Variants in CEMIP observed in about 807,000 individuals in gnomAD.
CEMIP encodes cell migration-inducing and hyaluronan-binding protein.
In CEMIP, 105 loss-of-function variants were observed where a neutral mutation model predicts 156.9. That is an observed-to-expected ratio of 0.67 (90% CI 0.57 to 0.79). The LOEUF is 0.79. CEMIP is among the 30% of genes least tolerant of loss of function. The pLI, the probability that CEMIP is intolerant of heterozygous loss-of-function variation, is 0.00. For missense variants in CEMIP, 1,457 were observed against 1,769.4 expected, an observed-to-expected ratio of 0.82 and a Z score of 3.17; for synonymous variants, 676 against 668.4, an observed-to-expected ratio of 1.01 and a Z score of -0.17.
At chr15:80,860,402 G>GT (rs1258910471) in intron 1 of CEMIP, among the ~76,000 whole-genome samples, 2 of 152,218 alleles carry the variant, frequency 1.3e-5, no homozygotes, top group African/African-American at 4.8e-5. Flanking sequence ...AAGGACAGTT[G>GT]TAAGTCGGGC....
intron 6 of CEMIP, among the ~76,000 whole-genome samples, chr15:80,881,928 G>A (rs960400650): frequency 4.6e-5 from 7 of 152,182 alleles, no homozygotes; most frequent in Admixed American, 6.5e-5. Context: ...AAGGCAGCAT[G>A]GGCAGGTGTA....
At chr15:80,817,125 C>A (rs1055987162) in intron 1 of CEMIP, among the ~76,000 whole-genome samples, 2 of 152,052 alleles carry the variant, frequency 1.3e-5, no homozygotes, top group African/African-American at 4.8e-5. Context: ...AATGACGATA[C>A]CTTGGCTGAT....
chr15:80,884,115 G>A, intron 6 of CEMIP, 60 bp from the exon 7 acceptor site: 1 of 1,542,056 alleles, frequency 6.5e-7, no homozygotes, highest in South Asian at 1.1e-5. Flanking sequence ...CATGTGCTTA[G>A]AGCTCTTTGT....
At chr15:80,891,455 T>C (rs114362353) in intron 10 of CEMIP, among the ~76,000 whole-genome samples, 2,760 of 152,308 alleles carry the variant, frequency 0.018, 80 homozygotes, top group African/African-American at 0.063. Context: ...AGTTTTCTTC[T>C]AACAAAAAGA....
chr15:80,929,538 A>G (rs1487106714), intron 21 of CEMIP, among the ~76,000 whole-genome samples: 1 of 152,212 alleles, frequency 6.6e-6, no homozygotes, highest in Admixed American at 6.5e-5. Context: ...AGAGCAATAG[A>G]GTCAGGCCGA....
At chr15:80,803,890 T>A (rs1265867621) in intron 1 of CEMIP, among the ~76,000 whole-genome samples, 1 of 152,238 alleles carries the variant, frequency 6.6e-6, no homozygotes, top group Non-Finnish European at 1.5e-5. Context: ...TATTCTGTTC[T>A]CATGCTGCTA....
intron 1 of CEMIP, among the ~76,000 whole-genome samples, chr15:80,821,138 A>T: frequency 6.6e-6 from 1 of 152,244 alleles, no homozygotes; most frequent in East Asian, 1.9e-4. Context: ...CCCTTGGAGC[A>T]CATAATCTCA....
At chr15:80,918,493 G>A (rs1900356439) in intron 14 of CEMIP, among the ~76,000 whole-genome samples, 1 of 152,138 alleles carries the variant, frequency 6.6e-6, no homozygotes, top group South Asian at 2.1e-4. Context: ...TGCAATCACG[G>A]GACAGCCTCT....
At chr15:80,855,398 C>T (rs1286935468) in intron 1 of CEMIP, among the ~76,000 whole-genome samples, 3 of 152,078 alleles carry the variant, frequency 2.0e-5, no homozygotes, top group South Asian at 2.1e-4. Flanking sequence ...GGAACTGAGC[C>T]GAGGACACCT....
intron 1 of CEMIP, among the ~76,000 whole-genome samples, chr15:80,785,560 G>A (rs1895913726): frequency 1.3e-5 from 2 of 152,208 alleles, no homozygotes; most frequent in Admixed American, 6.5e-5. Context: ...CGAAGAGCTG[G>A]CAGCCTGGTG....
At chr15:80,878,638 A>C in intron 3 of CEMIP, 83 bp from the exon 4 acceptor site, 1 of 1,583,684 alleles carries the variant, frequency 6.3e-7, no homozygotes, top group Non-Finnish European at 8.6e-7. Context: ...TTAAAGATGC[A>C]TGGGAGCCCC....
rs535992572 is a variant in CEMIP at position 80,895,071 on chromosome 15, C to A, written c.1168C>A (p.Arg390=). 4 of 1,614,178 alleles carry A rather than the reference C, an allele frequency of 2.5e-6. No homozygotes were observed. The highest frequency in any genetic ancestry group is 1.3e-5 in the African/African-American group (1 of 75,038). Residue 390 remains arginine (R), a synonymous_variant, in exon 11 of 30, where the codon CGG becomes AGG. Coordinates refer to ENST00000394685, the MANE Select transcript of CEMIP (RefSeq NM_001293298.2). ...GGATTATAGGTTTGCTTGCTACGAC[C>A]GGGGCAGAGCCTGCCGGAGCTACCG... ...GQDYRFACYD[R]GRACRSYRVR...
At chr15:80,789,122 A>G (rs1041690682) in intron 1 of CEMIP, among the ~76,000 whole-genome samples, 1 of 152,010 alleles carries the variant, frequency 6.6e-6, no homozygotes, top group African/African-American at 2.4e-5. Flanking sequence ...TCCAGGGCCC[A>G]TTCTGTTTGG....
At chr15:80,787,391 C>G (rs1302173828) in intron 1 of CEMIP, among the ~76,000 whole-genome samples, 3 of 152,220 alleles carry the variant, frequency 2.0e-5, no homozygotes, top group Non-Finnish European at 4.4e-5. Context: ...GGGTTTCCCT[C>G]CAGGATGGGC....
intron 1 of CEMIP, chr15:80,842,108 A>G (rs901112416): frequency 3.8e-6 from 2 of 525,336 alleles, no homozygotes; most frequent in African/African-American, 3.9e-5. Context: ...TCAACAGTCA[A>G]CTTAGAAACA....
chr15:80,872,314 C>T (rs1423599740), intron 1 of CEMIP, among the ~76,000 whole-genome samples: 1 of 152,178 alleles, frequency 6.6e-6, no homozygotes, highest in Non-Finnish European at 1.5e-5. Flanking sequence ...CGAAGCTGGC[C>T]ACCGCCAAAG....
intron 1 of CEMIP, among the ~76,000 whole-genome samples, chr15:80,793,828 G>A (rs1001334491): frequency 6.6e-5 from 10 of 152,112 alleles, no homozygotes; most frequent in Non-Finnish European, 1.2e-4. Flanking sequence ...ACCTATGTTG[G>A]GGAAACACTG....
chr15:80,832,760 C>G (rs1203250887), intron 1 of CEMIP, among the ~76,000 whole-genome samples: 3 of 152,166 alleles, frequency 2.0e-5, no homozygotes, highest in Non-Finnish European at 4.4e-5. Flanking sequence ...TTAACTTTCT[C>G]AAAACTCAGT....
At chr15:80,839,570 C>T (rs542673268) in intron 1 of CEMIP, among the ~76,000 whole-genome samples, 14 of 152,260 alleles carry the variant, frequency 9.2e-5, no homozygotes, top group Non-Finnish European at 1.6e-4. Flanking sequence ...CCTTCAGCAA[C>T]GGGGCCCTGT....
Sources: allele counts gnomAD v4.1 joint callset (sites outside exome capture counted in the v4.1 genomes callset), GRCh38; gene constraint gnomAD v4.1.1; transcripts MANE v1.5; gene names NCBI Gene and HGNC (gene_info 2026-07-23, HGNC 2026-07-21).